RNF157: variants seen among roughly 807,000 people sequenced by gnomAD.
The protein encoded by RNF157 is ring finger protein 157, also known as E3 ubiquitin ligase RNF157.
RNF157 carries 55 observed loss-of-function variants against 88.3 expected under a neutral mutation model. The ratio of observed to expected loss-of-function variants is 0.62; its 90% confidence interval spans 0.50 to 0.78. RNF157 has a LOEUF of 0.78. RNF157 is among the 30% of genes least tolerant of loss of function. RNF157 has a pLI of 0.00. For synonymous variants in RNF157, 334 were observed against 341.2 expected, an observed-to-expected ratio of 0.98 and a Z score of 0.23; for missense variants, 788 against 860.8, an observed-to-expected ratio of 0.92 and a Z score of 1.06.
chr17:76,176,144 G>A lies in RNF157; in HGVS notation c.208-2354C>T, dbSNP rs1234205999. Reference sequence around the variant, plus strand: ...CAACACTCCATGCCAGGAGTAAGGAGAGATTGAAAACCAAGAAGATAAGGC... The same window carrying A: ...CAACACTCCATGCCAGGAGTAAGGAAAGATTGAAAACCAAGAAGATAAGGC... On this transcript the variant is annotated intron_variant, in intron 2 of 18. Transcript: ENST00000269391. This position sits in a 1 kb window ranked among gnomAD's most constrained non-coding sequence, Gnocchi z 4.2. Among the ~76,000 whole-genome samples the A allele has an allele frequency of 1.3e-5, 2 of 152,238 alleles. No homozygotes were observed. The highest frequency in any genetic ancestry group is 2.9e-5 in the Non-Finnish European group (2 of 68,044).
intron 2 of RNF157, among the ~76,000 whole-genome samples, chr17:76,206,161 G>T (rs1180481985): frequency 2.6e-5 from 4 of 152,068 alleles, no homozygotes; most frequent in Admixed American, 2.6e-4. Flanking sequence ...AGCCTAGGAA[G>T]TCGAGGCTGC....
In RNF157 at chr17:76,160,847, G is replaced by A. The variant is rs1231451776; in HGVS notation, c.1065+688C>T. On this transcript the variant is annotated intron_variant, in intron 11 of 18. Transcript: ENST00000269391. The surrounding 1 kb of genome is among the most constrained non-coding windows in gnomAD (Gnocchi z 4.3). ...CTATAATTTATTCTAGATTTTGAATGTTTTGCTTGGTTTGCTGTAATGTTT... is the reference window on the plus strand; with the variant it reads ...CTATAATTTATTCTAGATTTTGAATATTTTGCTTGGTTTGCTGTAATGTTT... Among the ~76,000 whole-genome samples, 4 of 152,080 alleles carry A rather than the reference G, an allele frequency of 2.6e-5. No homozygotes were observed. The highest frequency in any genetic ancestry group is 2.4e-5 in the African/African-American group (1 of 41,414).
Position 76,182,384 on chromosome 17 carries a change from C to T in RNF157, c.208-8594G>A, listed in dbSNP as rs768848787. On this transcript the variant is annotated intron_variant, in intron 2 of 18. Transcript: ENST00000269391. ...GTGACGAAAGATGAAATTGCCAGAC[C>T]ATGCCCAAATGCAGGCCAGAAGGGT... Among the ~76,000 whole-genome samples the T allele has an allele frequency of 4.4e-4, 67 of 151,930 alleles. 1 individual carries two copies. Among genetic ancestry groups the T allele is most frequent in the Non-Finnish European group, 7.4e-5 (5 of 67,990 alleles).
Position 76,194,743 on chromosome 17 carries a change from C to T in RNF157, c.207+17621G>A, listed in dbSNP as rs183737274. Among the ~76,000 whole-genome samples the T allele has an allele frequency of 7.8e-3, 1,187 of 152,242 alleles. 4 individuals carry two copies. Among genetic ancestry groups the T allele is most frequent in the South Asian group, 0.017 (80 of 4,820 alleles). ...TAAAACCACAAGAGCAGGCCGGGCACGGTGGCTCACACCTGTAATCCCAGC... is the reference window on the plus strand; with the variant it reads ...TAAAACCACAAGAGCAGGCCGGGCATGGTGGCTCACACCTGTAATCCCAGC... On this transcript the variant is annotated intron_variant, in intron 2 of 18. Coordinates refer to ENST00000269391, the MANE Select transcript of RNF157 (RefSeq NM_052916.3).
In RNF157 at chr17:76,162,007, C is replaced by G. The variant is rs778570566; in HGVS notation, c.793-5G>C. 12 of 1,611,626 alleles carry G rather than the reference C, an allele frequency of 7.4e-6. No homozygotes were observed. The highest frequency in any genetic ancestry group is 1.0e-5 in the Non-Finnish European group (12 of 1,178,360). Reference sequence around the variant, plus strand: ...ACTCACTTCGTCTTCAGCCACCTGGCCAAGGAGAAAGAAATGTAGCCAATG... The same window carrying G: ...ACTCACTTCGTCTTCAGCCACCTGGGCAAGGAGAAAGAAATGTAGCCAATG... On this transcript the variant is annotated splice_region_variant and splice_polypyrimidine_tract_variant and intron_variant, in intron 9 of 18. Coordinates refer to ENST00000269391, the MANE Select transcript of RNF157 (RefSeq NM_052916.3).
At chr17:76,213,344 CG>C (rs1176357603) in intron 1 of RNF157, among the ~76,000 whole-genome samples, 1 of 151,818 alleles carries the variant, frequency 6.6e-6, no homozygotes, top group Non-Finnish European at 1.5e-5. Flanking sequence ...CTGAGGAGGG[CG>C]GATCACTTGA....
At chr17:76,238,085 CAAAA>C (rs555165221) in intron 1 of RNF157, among the ~76,000 whole-genome samples, 1 of 93,700 alleles carries the variant, frequency 1.1e-5, no homozygotes. Context: ...GACGATGACT[CAAAA>C]AAAAAAAAAA....
intron 2 of RNF157, among the ~76,000 whole-genome samples, chr17:76,174,084 A>AC (rs965930328): frequency 2.0e-5 from 3 of 152,146 alleles, no homozygotes; most frequent in African/African-American, 7.2e-5. Context: ...AATAAAAAAA[A>AC]AAACCGCTGA....
rs960192549 is a variant in RNF157, at chr17:76,149,261, G to A, written c.1921+3094C>T. On this transcript the variant is annotated intron_variant, in intron 18 of 18. Coordinates refer to ENST00000269391, the MANE Select transcript of RNF157 (RefSeq NM_052916.3). ...GTTCGCAGTCCTTGCCACCAGCCAGGTCTCCTGGCAGAGCCCGTGAGCAAG... is the reference window on the plus strand; with the variant it reads ...GTTCGCAGTCCTTGCCACCAGCCAGATCTCCTGGCAGAGCCCGTGAGCAAG... Among the ~76,000 whole-genome samples the A allele has an allele frequency of 3.8e-4, 58 of 152,000 alleles. 1 individual carries two copies. The highest frequency in any genetic ancestry group is 1.4e-3 in the African/African-American group (56 of 41,362).
intron 1 of RNF157, among the ~76,000 whole-genome samples, chr17:76,237,811 T>C (rs1055306070): frequency 6.6e-6 from 1 of 151,718 alleles, no homozygotes; most frequent in Non-Finnish European, 1.5e-5. Context: ...CTGGGCGTGG[T>C]AGCTCACACC....
Position 76,225,958 on chromosome 17 carries a change from T to C in RNF157, c.89-13476A>G. ...CTGCTGTCTTGTTTTGCTCCATTTTTTTCAGCTTCTTATCCAGTTTCTCAC... is the reference window on the plus strand; with the variant it reads ...CTGCTGTCTTGTTTTGCTCCATTTTCTTCAGCTTCTTATCCAGTTTCTCAC... On this transcript the variant is annotated intron_variant, in intron 1 of 18. Coordinates refer to ENST00000269391, the MANE Select transcript of RNF157 (RefSeq NM_052916.3). 4 of 1,611,454 alleles carry C rather than the reference T, an allele frequency of 2.5e-6. No homozygotes were observed. In the South Asian group the frequency reaches 3.3e-5, roughly 13 times the overall value.
At chr17:76,225,710 C>T in intron 1 of RNF157, 1 of 1,427,452 alleles carries the variant, frequency 7.0e-7, no homozygotes, top group Non-Finnish European at 9.4e-7. Context: ...ACAGCAGACA[C>T]TCTATGTACA....
chr17:76,203,233 C>T (rs1278493022), intron 2 of RNF157, among the ~76,000 whole-genome samples: 1 of 151,996 alleles, frequency 6.6e-6, no homozygotes, highest in African/African-American at 2.4e-5. Context: ...TCAAGCAATC[C>T]ACCCACCTCA....
chr17:76,166,534 G>A lies in RNF157; in HGVS notation c.562-7C>T, dbSNP rs1257249880. On this transcript the variant is annotated splice_region_variant and splice_polypyrimidine_tract_variant and intron_variant, in intron 5 of 18. Coordinates refer to ENST00000269391, the MANE Select transcript of RNF157 (RefSeq NM_052916.3). Reference sequence around the variant, plus strand: ...GGTCTAAATCAAAGCCAAGCTGAAGGGAAAGAAAAGGAAAGGAAAAAAAAA... The same window carrying A: ...GGTCTAAATCAAAGCCAAGCTGAAGAGAAAGAAAAGGAAAGGAAAAAAAAA... 1.2e-6 allele frequency: 2 copies of A among 1,611,766 alleles called. No homozygotes were observed. The highest frequency in any genetic ancestry group is 1.1e-5 in the South Asian group (1 of 91,002).
In RNF157 at chr17:76,166,995, CAGAGGCA is replaced by C; in HGVS notation, c.561+7_561+13del. On this transcript the variant is annotated splice_region_variant and intron_variant, in intron 5 of 18. Coordinates refer to ENST00000269391, the MANE Select transcript of RNF157 (RefSeq NM_052916.3). ...CTGAGTGGATGTGGGAAACCCTCCC[CAGAGGCA>C]GCTCACCTCCTCTTCGGCCCACTCG... 1 of 1,580,600 alleles carries C rather than the reference CAGAGGCA, an allele frequency of 6.3e-7. No homozygotes were observed. Among genetic ancestry groups the C allele is most frequent in the Non-Finnish European group, 8.6e-7 (1 of 1,161,666 alleles).
At chr17:76,181,922 A>T (rs906516219) in intron 2 of RNF157, among the ~76,000 whole-genome samples, 2 of 151,590 alleles carry the variant, frequency 1.3e-5, no homozygotes, top group African/African-American at 4.8e-5. Context: ...AAAAAAAAAA[A>T]AAAGAATAAA....
chr17:76,175,188 T>C (rs1356632566), intron 2 of RNF157, among the ~76,000 whole-genome samples: 4 of 152,236 alleles, frequency 2.6e-5, no homozygotes, highest in Non-Finnish European at 5.9e-5. Context: ...ATTTTTAAAG[T>C]CCATAATTTT....
At position 76,237,242 on chromosome 17, in the gene RNF157, T is replaced by C. The variant is rs141311405; in HGVS notation, c.88+2911A>G. On this transcript the variant is annotated intron_variant, in intron 1 of 18. Coordinates refer to ENST00000269391, the MANE Select transcript of RNF157 (RefSeq NM_052916.3). ...TACAAAACTAAGAAGTTCCATTAAA[T>C]ATACTAAGAAAAAAGCAATTTCAGC... 3.5e-3 allele frequency among the ~76,000 whole-genome samples: 527 copies of C among 152,332 alleles called. 5 individuals are homozygous for C. Among genetic ancestry groups the C allele is most frequent in the African/African-American group, 0.012 (502 of 41,578 alleles).
intron 5 of RNF157, 131 bp downstream of exon 5, chr17:76,166,877 TG>T: frequency 1.5e-6 from 1 of 668,628 alleles, no homozygotes; most frequent in South Asian, 1.8e-5. Flanking sequence ...AAGGACATGA[TG>T]AAGTCACAAG....
Sources: allele counts gnomAD v4.1 joint callset (sites outside exome capture counted in the v4.1 genomes callset), GRCh38; gene constraint gnomAD v4.1.1; non-coding constraint Gnocchi (gnomAD v3.1); transcripts MANE v1.5; gene names NCBI Gene and HGNC (gene_info 2026-07-23, HGNC 2026-07-21).